Variants in FARS2 observed in about 807,000 individuals in gnomAD.
FARS2 encodes the protein phenylalanine--tRNA ligase, mitochondrial.
A neutral mutation model predicts 46.4 loss-of-function variants in FARS2; 40 were observed. The ratio of observed to expected loss-of-function variants is 0.86; its 90% CI spans 0.67 to 1.12. FARS2 has a LOEUF of 1.12. Among genes scored for constraint, FARS2 ranks in the 50% most tolerant of loss-of-function variants. The probability of loss-of-function intolerance (pLI) is 0.00; values close to 1 mark genes in which losing one functional copy is unlikely to be tolerated. For synonymous variants in FARS2, 234 were observed against 214.9 expected (o/e 1.09, Z -0.78); for missense variants, 513 against 567.9 (o/e 0.90, Z 0.98).
chr6:5,529,410 C>T (rs1280296057), intron 4 of FARS2, among the ~76,000 whole-genome samples: 5 of 152,134 alleles, frequency 3.3e-5, no homozygotes, highest in Non-Finnish European at 5.9e-5. Context: ...TGGGTTCAAT[C>T]GATTCTCCTA....
intron 6 of FARS2, among the ~76,000 whole-genome samples, chr6:5,717,349 A>ATG (rs1340235389): frequency 2.8e-4 from 26 of 91,240 alleles, no homozygotes; most frequent in South Asian, 1.8e-3. Flanking sequence ...ATAGATATGT[A>ATG]TATGTGTGTG....
intron 5 of FARS2, among the ~76,000 whole-genome samples, chr6:5,562,438 T>A (rs1031444001): frequency 1.3e-5 from 2 of 152,136 alleles, no homozygotes; most frequent in African/African-American, 4.8e-5. Context: ...CAGTAGGTGA[T>A]TCAAAGCATG....
At chr6:5,654,345 A>G (rs1289668687) in intron 6 of FARS2, among the ~76,000 whole-genome samples, 1 of 152,184 alleles carries the variant, frequency 6.6e-6, no homozygotes, top group South Asian at 2.1e-4. Context: ...GTATTCACTG[A>G]TAACCATCTT....
intron 1 of FARS2, among the ~76,000 whole-genome samples, chr6:5,310,407 GA>G (rs562827654): frequency 0.064 from 9,301 of 145,658 alleles, 350 homozygotes; most frequent in Middle Eastern, 0.13. Flanking sequence ...TAGGTTTAAG[GA>G]AAAAAAAAAC....
chr6:5,274,809 C>T (rs1200424150), intron 1 of FARS2, among the ~76,000 whole-genome samples: 1 of 152,182 alleles, frequency 6.6e-6, no homozygotes, highest in Non-Finnish European at 1.5e-5. Flanking sequence ...CTTCCGGGCT[C>T]AAGCAATCCT....
intron 1 of FARS2, among the ~76,000 whole-genome samples, chr6:5,347,284 C>T (rs1240042120): frequency 6.6e-6 from 1 of 152,170 alleles, no homozygotes; most frequent in Non-Finnish European, 1.5e-5. Flanking sequence ...TAATCATCCC[C>T]TTTACCCCAA....
Position 5,478,751 on chromosome 6 carries a change from G to A in FARS2, c.904+47579G>A, listed in dbSNP as rs529972999. Among the ~76,000 whole-genome samples the A allele has an allele frequency of 2.7e-4, 41 of 152,236 alleles. 1 individual carries two copies. Among genetic ancestry groups the A allele is most frequent in the Admixed American group, 5.9e-4 (9 of 15,302 alleles). ...CCCCCAAATTAGTGCTCTTCGGGCT[G>A]TGTATACCTAGTCTGAGCTGCCATG... On this transcript the variant is annotated intron_variant, in intron 4 of 6. Transcript: ENST00000274680.
At chr6:5,297,696 A>G (rs186746233) in intron 1 of FARS2, among the ~76,000 whole-genome samples, 1 of 152,194 alleles carries the variant, frequency 6.6e-6, no homozygotes, top group African/African-American at 2.4e-5. Flanking sequence ...AACAGCAACA[A>G]CAACAACAAC....
chr6:5,374,796 T>G (rs540221765), intron 2 of FARS2, among the ~76,000 whole-genome samples: 1 of 152,058 alleles, frequency 6.6e-6, no homozygotes, highest in East Asian at 1.9e-4. Context: ...TTAACTGATA[T>G]AAGGAGAAAA....
intron 4 of FARS2, among the ~76,000 whole-genome samples, chr6:5,435,508 G>T (rs538930014): frequency 1.3e-5 from 2 of 152,336 alleles, no homozygotes; most frequent in South Asian, 4.1e-4. Flanking sequence ...TTAAGTCGTA[G>T]TGTCTTCACC....
At chr6:5,407,259 G>A (rs1010987092) in intron 3 of FARS2, among the ~76,000 whole-genome samples, 6 of 151,796 alleles carry the variant, frequency 4.0e-5, no homozygotes, top group Non-Finnish European at 8.8e-5. Flanking sequence ...CGTTCTTCCA[G>A]CTGGGACTTC....
At chr6:5,249,995 T>A in the FARS2 span, among the ~76,000 whole-genome samples, 1 of 152,220 alleles carries the variant, frequency 6.6e-6, no homozygotes, top group Non-Finnish European at 1.5e-5. Flanking sequence ...TCAAACAGAA[T>A]GTTTTGTAAT....
intron 4 of FARS2, among the ~76,000 whole-genome samples, chr6:5,464,206 T>C (rs1488785471): frequency 6.6e-6 from 1 of 152,216 alleles, no homozygotes; most frequent in Non-Finnish European, 1.5e-5. Flanking sequence ...ACATTTTGGA[T>C]AGACAGAAAT....
At chr6:5,409,457 A>T (rs1310533552) in intron 3 of FARS2, among the ~76,000 whole-genome samples, 2 of 152,182 alleles carry the variant, frequency 1.3e-5, no homozygotes, top group African/African-American at 4.8e-5. Flanking sequence ...TCAAAAAAAA[A>T]AAGAAACTTA....
upstream of FARS2, among the ~76,000 whole-genome samples, chr6:5,260,292 A>G (rs116361549): frequency 6.6e-6 from 1 of 152,230 alleles, no homozygotes; most frequent in African/African-American, 2.4e-5. Flanking sequence ...GAAGTTTTAC[A>G]TATGCAACAC....
intron 6 of FARS2, among the ~76,000 whole-genome samples, chr6:5,653,132 T>A (rs776309323): frequency 5.3e-5 from 8 of 152,254 alleles, no homozygotes; most frequent in Non-Finnish European, 1.2e-4. Context: ...TATGCATATA[T>A]ATCTACATTA....
intron 6 of FARS2, among the ~76,000 whole-genome samples, chr6:5,708,824 C>G (rs1758926398): frequency 6.6e-6 from 1 of 152,160 alleles, no homozygotes; most frequent in South Asian, 2.1e-4. Flanking sequence ...CCACACCCAG[C>G]TAATTTTTAA....
In FARS2 at chr6:5,654,115, TC is replaced by T. The variant is rs146409053; in HGVS notation, c.1217+40799del. On this transcript the variant is annotated intron_variant, in intron 6 of 6. Coordinates refer to ENST00000274680, the MANE Select transcript of FARS2 (RefSeq NM_006567.5). ...CTGCCCTGACCCTTTGACCATGGAA[TC>T]CCCAGTCACATTAGGGCCCTACGTC... Among the ~76,000 whole-genome samples, 286 of 152,132 alleles carry T rather than the reference TC, an allele frequency of 1.9e-3. 2 individuals are homozygous for T. Among genetic ancestry groups the T allele is most frequent in the African/African-American group, 6.6e-3 (275 of 41,498 alleles).
intron 6 of FARS2, among the ~76,000 whole-genome samples, chr6:5,633,385 C>T (rs963801203): frequency 2.8e-5 from 4 of 142,422 alleles, no homozygotes; most frequent in South Asian, 2.3e-4. Flanking sequence ...AAGTGATTAT[C>T]GTGCCTCAGC....
Sources: gnomAD v4.1 joint callset for allele counts (sites outside exome capture counted in the v4.1 genomes callset) on GRCh38, gnomAD v4.1.1 for gene constraint, MANE v1.5 for transcripts, NCBI Gene and HGNC (gene_info 2026-07-23, HGNC 2026-07-21) for gene names.